The following GLUD1 variants were observed in gnomAD, a reference collection of about 807,000 sequenced individuals.
GLUD1 encodes the protein glutamate dehydrogenase 1, also known as glutamate dehydrogenase 1, mitochondrial.
Under a neutral mutation model 56.0 loss-of-function variants are expected in GLUD1, and 22 were observed. That is an observed-to-expected ratio of 0.39 (90% confidence interval 0.28 to 0.56). GLUD1 has a LOEUF of 0.56. Among genes scored for constraint, GLUD1 ranks in the 20% least tolerant of loss-of-function variants. The probability of loss-of-function intolerance (pLI) is 0.58; values close to 1 mark genes in which losing one functional copy is unlikely to be tolerated. For synonymous variants in GLUD1, 223 were observed against 269.9 expected (o/e 0.83, Z 1.70); for missense variants, 451 against 732.0 (o/e 0.62, Z 4.43).
rs1281909930 is a variant in GLUD1, at chr10:87,068,094, G to A, written c.710C>T (p.Ala237Val). The A allele has an allele frequency of 1.5e-5, 24 of 1,612,700 alleles. No individual in the cohort carries two copies. The highest frequency in any genetic ancestry group is 1.6e-5 in the Non-Finnish European group (19 of 1,178,816). ...CCCTATGGTGCTGGCATAGGTATCA[G>A]CGATCCAGGACATCTCCCGCTCACC... ...STGEREMSWI[A>V]DTYASTIGHY... Residue 237 changes from alanine to valine, a missense_variant, in exon 5 of 13, where the codon GCT becomes GTT. Ala to Val is a moderately conservative substitution (Grantham distance 64, BLOSUM62 0). Around this residue, in one of 4 missense-constraint regions of GLUD1, gnomAD observed 248 missense variants for 460.0 expected, o/e 0.54. Transcript: ENST00000277865.
rs1841656656 is a variant in GLUD1 at position 87,094,380 on chromosome 10, C to T, written c.390G>A (p.Glu130=). ...GCTGGGCCCGGTAGCCTTCGATGAC[C>T]TCCCAGGAGCCGTCGTCGCGCCGGA... The part of the protein sequence containing the change: ...FPIRRDDGSW[E]VIEGYRAQHS... Residue 130 remains glutamate, a synonymous_variant, in exon 1 of 13, where the codon GAG becomes GAA. Coordinates refer to ENST00000277865, the MANE Select transcript of GLUD1 (RefSeq NM_005271.5). This position sits in a 1 kb window ranked among gnomAD's most constrained non-coding sequence, Gnocchi z 6.6. 4 of 1,612,934 alleles carry T rather than the reference C, an allele frequency of 2.5e-6. No homozygotes were observed. Among genetic ancestry groups the T allele is most frequent in the Middle Eastern group, 1.8e-4 (1 of 5,616 alleles).
chr10:87,078,935 T>C (rs1473410500), intron 1 of GLUD1, among the ~76,000 whole-genome samples: 1 of 152,168 alleles, frequency 6.6e-6, no homozygotes, highest in East Asian at 1.9e-4. Flanking sequence ...GCTTAGGAGT[T>C]TGAAACCAGC....
chr10:87,087,037 AGATGCCAGTTC>A (rs530422159), intron 1 of GLUD1, among the ~76,000 whole-genome samples: 2 of 152,240 alleles, frequency 1.3e-5, no homozygotes, highest in East Asian at 3.9e-4. Flanking sequence ...TCCCTACTTC[AGATGCCAGTTC>A]CAAGTCTTGG....
At chr10:87,067,934 A>G (rs1846120553) in intron 5 of GLUD1, 129 bp downstream of exon 5, 1 of 684,856 alleles carries the variant, frequency 1.5e-6, no homozygotes, top group South Asian at 1.5e-5. Flanking sequence ...ATAAAATAAT[A>G]TGCACATCAA....
At chr10:87,079,699 G>C (rs997214530) in intron 1 of GLUD1, among the ~76,000 whole-genome samples, 1 of 152,046 alleles carries the variant, frequency 6.6e-6, no homozygotes, top group Non-Finnish European at 1.5e-5. Context: ...CCCTGCAAGT[G>C]GTCAAACAGG....
At chr10:87,060,304 G>T in intron 8 of GLUD1, 63 bp from the exon 9 acceptor site, 1 of 1,054,764 alleles carries the variant, frequency 9.5e-7, no homozygotes, top group Non-Finnish European at 1.5e-6. Context: ...TCCACTGAGG[G>T]CAAGAGATGT....
intron 1 of GLUD1, among the ~76,000 whole-genome samples, chr10:87,093,533 A>G (rs1050241513): frequency 6.6e-6 from 1 of 152,148 alleles, no homozygotes; most frequent in African/African-American, 2.4e-5. Context: ...TTCTTCACGT[A>G]CTATATTTTT....
At chr10:87,087,686 C>G (rs973204318) in intron 1 of GLUD1, among the ~76,000 whole-genome samples, 2 of 152,194 alleles carry the variant, frequency 1.3e-5, no homozygotes, top group African/African-American at 4.8e-5. Flanking sequence ...CTCATGACCC[C>G]CTTACACACA....
chr10:87,079,313 G>T (rs1923937), intron 1 of GLUD1, among the ~76,000 whole-genome samples: 1 of 151,586 alleles, frequency 6.6e-6, no homozygotes, highest in Non-Finnish European at 1.5e-5. Context: ...GGGCATGTGC[G>T]TGTAGTCGAA....
In GLUD1 at chr10:87,058,748, G is replaced by A. The variant is rs138460691; in HGVS notation, c.1402+402C>T. 7.7e-3 allele frequency among the ~76,000 whole-genome samples: 1,170 copies of A among 152,222 alleles called. 17 individuals are homozygous for A. Among genetic ancestry groups the A allele is most frequent in the African/African-American group, 0.027 (1,125 of 41,520 alleles). ...TCTATTAAAAATACAAAAATTAGCC[G>A]GGCGTGGCGGTGAGTGCCTGTAGCC... On this transcript the variant is annotated intron_variant, in intron 10 of 12. Coordinates refer to ENST00000277865, the MANE Select transcript of GLUD1 (RefSeq NM_005271.5).
chr10:87,092,136 G>A (rs1841523669), intron 1 of GLUD1, among the ~76,000 whole-genome samples: 1 of 152,190 alleles, frequency 6.6e-6, no homozygotes, highest in Admixed American at 6.5e-5. Flanking sequence ...TGATAAATGG[G>A]TAGATAGATC....
At chr10:87,087,765 A>G (rs980133248) in intron 1 of GLUD1, among the ~76,000 whole-genome samples, 48 of 152,120 alleles carry the variant, frequency 3.2e-4, no homozygotes, top group African/African-American at 1.1e-3. Flanking sequence ...ACTCCTATCC[A>G]GCCTTCTCTG....
At chr10:87,078,406 T>C (rs998986439) in intron 1 of GLUD1, among the ~76,000 whole-genome samples, 4 of 152,202 alleles carry the variant, frequency 2.6e-5, no homozygotes, top group African/African-American at 9.6e-5. Context: ...CTTTCCTGCC[T>C]CTCCTACCTT....
chr10:87,080,407 A>C (rs11202320), intron 1 of GLUD1, among the ~76,000 whole-genome samples: 3 of 146,976 alleles, frequency 2.0e-5, no homozygotes, highest in African/African-American at 2.5e-5. Context: ...CCATCGTCTG[A>C]GATGTGAGGA....
chr10:87,054,433 G>A (rs1326348782), intron 11 of GLUD1, among the ~76,000 whole-genome samples: 1 of 152,168 alleles, frequency 6.6e-6, no homozygotes, highest in Admixed American at 6.5e-5. Flanking sequence ...TAGTGAGGTA[G>A]GGAGAAAACC....
At position 87,062,779 on chromosome 10, in the gene GLUD1, A is replaced by G. The variant is rs2133800419; in HGVS notation, c.798T>C (p.His266=). The stretch of plus-strand genomic sequence containing the variant: ...CACGGCCAGTAGCAGAGATGCGTCC[A>G]TGGATTCCCCCTTGGCTGATGGGTT... ...TGKPISQGGI[H]GRISATGRGV... Residue 266 remains histidine, a synonymous_variant, in exon 6 of 13, where the codon CAT becomes CAC. Coordinates refer to ENST00000277865, the MANE Select transcript of GLUD1 (RefSeq NM_005271.5). 1 of 1,614,196 alleles carries G rather than the reference A, an allele frequency of 6.2e-7. No individual in the cohort carries two copies. Among genetic ancestry groups the G allele is most frequent in the East Asian group, 2.2e-5 (1 of 44,872 alleles).
chr10:87,069,726 G>T (rs1846178012), intron 4 of GLUD1, among the ~76,000 whole-genome samples: 1 of 152,146 alleles, frequency 6.6e-6, no homozygotes, highest in African/African-American at 2.4e-5. Context: ...TACAGGGCTA[G>T]TATAAGATAA....
At chr10:87,083,067 C>A (rs937180025) in intron 1 of GLUD1, among the ~76,000 whole-genome samples, 1 of 152,044 alleles carries the variant, frequency 6.6e-6, no homozygotes, top group Non-Finnish European at 1.5e-5. Flanking sequence ...ATGGTGAAAC[C>A]CCATCTTTAC....
At chr10:87,066,696 A>G (rs1564769278) in intron 5 of GLUD1, among the ~76,000 whole-genome samples, 2 of 152,342 alleles carry the variant, frequency 1.3e-5, no homozygotes, top group East Asian at 3.9e-4. Context: ...TGGGCCTGTG[A>G]TTCTTTTTCA....
Sources: gnomAD v4.1 joint callset for allele counts (sites outside exome capture counted in the v4.1 genomes callset) on GRCh38, gnomAD v4.1.1 for gene constraint, gnomAD v4.1.1 regional missense constraint, Gnocchi (gnomAD v3.1) non-coding constraint, MANE v1.5 for transcripts, NCBI Gene and HGNC (gene_info 2026-07-23, HGNC 2026-07-21) for gene names.